Variants in KIFC2 observed in about 807,000 individuals in gnomAD.
KIFC2 encodes kinesin family member C2.
KIFC2 carries 94 observed loss-of-function variants against 91.5 expected under a neutral mutation model. The ratio of observed to expected loss-of-function variants is 1.03; its 90% CI spans 0.87 to 1.22. The LOEUF (loss-of-function observed/expected upper bound fraction) is 1.22, where lower values mean the gene tolerates loss of function less well. Ranked by LOEUF, KIFC2 falls within the 50% of genes most tolerant of loss-of-function variation. KIFC2 has a pLI of 0.00. For synonymous variants in KIFC2, 729 were observed against 503.9 expected (o/e 1.45, Z -5.98); for missense variants, 1,357 against 1,103.3 (o/e 1.23, Z -3.26).
At chr8:144,468,116 G>T (rs1432427497) in intron 7 of KIFC2, 129 bp downstream of exon 7, 3 of 1,263,524 alleles carry the variant, frequency 2.4e-6, no homozygotes, top group Non-Finnish European at 3.2e-6. Context: ...CATCAGGGAG[G>T]CTGATGCCAA....
At position 144,472,613 on chromosome 8, in the gene KIFC2, G is replaced by A. The variant is rs778514593; in HGVS notation, c.1768G>A (p.Ala590Thr). Reference protein sequence around the residue: ...KLGRSNRATAATAMNQRSSRS... With the variant: ...KLGRSNRATATTAMNQRSSRS... ...GGGGAGGAGCAACCGGGCCACCGCCGCCACCGCCATGAACCAGCGCAGCTC... is the reference window on the plus strand; with the variant it reads ...GGGGAGGAGCAACCGGGCCACCGCCACCACCGCCATGAACCAGCGCAGCTC... Residue 590 changes from alanine (A) to threonine (T), a missense_variant, in exon 16 of 18, where the codon GCC (alanine) becomes ACC (threonine). Transcript: ENST00000645548. The A allele has an allele frequency of 4.4e-6, 7 of 1,605,816 alleles. No homozygotes were observed. Among genetic ancestry groups the A allele is most frequent in the South Asian group, 1.1e-5 (1 of 91,060 alleles).
chr8:144,467,326 C>T lies in KIFC2; in HGVS notation c.454C>T (p.Pro152Ser), dbSNP rs763870569. 66 of 1,607,586 alleles carry T rather than the reference C, an allele frequency of 4.1e-5. No homozygotes were observed. In the Admixed American group the frequency reaches 8.1e-4, roughly 20 times the overall value. ...QGTQPAPRVR[P>S]PSPDGSTSQE... ...GACTCAGCCAGCCCCTCGGGTCCGGCCCCCCTCTCCAGATGGTGAGTAAAG... is the reference window on the plus strand; with the variant it reads ...GACTCAGCCAGCCCCTCGGGTCCGGTCCCCCTCTCCAGATGGTGAGTAAAG... Residue 152 changes from proline to serine, a missense_variant, in exon 4 of 18, where the codon CCC (proline) becomes TCC (serine). Transcript: ENST00000645548.
In KIFC2 at chr8:144,471,923, A is replaced by AT; in HGVS notation, c.1381-17dup. 1 of 1,610,988 alleles carries AT rather than the reference A, an allele frequency of 6.2e-7. No homozygotes were observed. Among genetic ancestry groups the AT allele is most frequent in the Non-Finnish European group, 8.5e-7 (1 of 1,178,278 alleles). On this transcript the variant is annotated intron_variant, in intron 12 of 17. Transcript: ENST00000645548. ...GCAACGTGGGGAGGACTCAAAACAC[A>AT]TTCTCCCGCCTCCCGCAGGTCTTCA...
At chr8:144,469,107 G>T (rs1381310481) in intron 10 of KIFC2, among the ~76,000 whole-genome samples, 164 bp from the exon 11 acceptor site, 2 of 152,310 alleles carry the variant, frequency 1.3e-5, no homozygotes, top group East Asian at 3.9e-4. Context: ...TTATCCTGGG[G>T]TTACTCAATG....
chr8:144,466,430 T>C lies in KIFC2; in HGVS notation c.11T>C (p.Phe4Ser). ...CCGCCCCGCGCTCCCATGTACGCCT[T>C]TTACTCGTTGCTCATCTACATCTTC... is the stretch of plus-strand genomic sequence containing the variant. MYA[F>S]YSLLIYIFYS... Residue 4 changes from phenylalanine to serine, a missense_variant, in exon 1 of 18, where the codon TTT (phenylalanine) becomes TCT (serine). Phe to Ser is a radical substitution (Grantham distance 155, BLOSUM62 -2). Transcript: ENST00000645548. 7.5e-7 allele frequency: 1 copy of C among 1,333,968 alleles called. No individual in the cohort carries two copies. The highest frequency in any genetic ancestry group is 9.8e-7 in the Non-Finnish European group (1 of 1,025,424). 82.6% of individuals were successfully genotyped at this position (1,333,968 alleles called of 1,614,324 possible).
intron 7 of KIFC2, 40 bp from the exon 8 acceptor site, chr8:144,468,289 G>C: frequency 6.5e-7 from 1 of 1,541,692 alleles, no homozygotes; most frequent in Non-Finnish European, 8.9e-7. Flanking sequence ...ACCACAGACC[G>C]TCCCTCTCTG....
intron 10 of KIFC2, 48 bp downstream of exon 10, chr8:144,468,882 A>T: frequency 2.6e-6 from 4 of 1,513,400 alleles, no homozygotes; most frequent in Non-Finnish European, 3.7e-6. Context: ...CAGCCTATTC[A>T]CTGTTCTTTT....
intron 10 of KIFC2, 92 bp from the exon 11 acceptor site, chr8:144,469,179 G>C: frequency 1.8e-6 from 2 of 1,082,464 alleles, no homozygotes; most frequent in South Asian, 2.9e-5. Context: ...CGGGCCTGTG[G>C]GGGCTCCCTG....
At position 144,474,063 on chromosome 8, in the gene KIFC2, C is replaced by T; in HGVS notation, c.*674C>T. On this transcript the variant is annotated 3_prime_UTR_variant, in exon 18 of 18. Transcript: ENST00000645548. ...TGACAGACCAGGGTGAGGGTTGTGCCCAGCTGGGCCACGGCCATGCGTGGG... is the reference window on the plus strand; with the variant it reads ...TGACAGACCAGGGTGAGGGTTGTGCTCAGCTGGGCCACGGCCATGCGTGGG... 1.6e-6 allele frequency: 1 copy of T among 606,272 alleles called. No homozygotes were observed. Among genetic ancestry groups the T allele is most frequent in the Non-Finnish European group, 2.9e-6 (1 of 344,608 alleles). The allele number at this position is 606,272 out of a possible 1,614,324, so 37.6% of individuals were successfully genotyped here. A position where few individuals can be genotyped will look rare whatever the true frequency, so the allele number is the denominator to read the frequency against.
intron 10 of KIFC2, 92 bp downstream of exon 10, chr8:144,468,926 A>G (rs948558478): frequency 3.8e-6 from 4 of 1,047,436 alleles, no homozygotes; most frequent in African/African-American, 3.2e-5. Context: ...GGCTGTACTA[A>G]TAAGTGGGGC....
chr8:144,466,463 T>C lies in KIFC2; in HGVS notation c.44T>C (p.Leu15Pro). The C allele has an allele frequency of 1.5e-6, 2 of 1,355,936 alleles. No individual in the cohort carries two copies. Among genetic ancestry groups the C allele is most frequent in the Non-Finnish European group, 1.9e-6 (2 of 1,042,374 alleles). The allele number at this position is 1,355,936 out of a possible 1,614,324, so 84.0% of individuals were successfully genotyped here. A position where few individuals can be genotyped will look rare whatever the true frequency, so the allele number is the denominator to read the frequency against. Residue 15 changes from leucine to proline, a missense_variant, in exon 1 of 18, where the codon CTC (leucine) becomes CCC (proline). Coordinates refer to ENST00000645548, the MANE Select transcript of KIFC2 (RefSeq NM_001369769.2). ...YSLLIYIFYS[L>P]FRRDGGAAAA... Reference sequence around the variant, plus strand: ...TTGCTCATCTACATCTTCTACAGCCTCTTCCGCAGGGATGGTGGCGCCGCG... The same window carrying C: ...TTGCTCATCTACATCTTCTACAGCCCCTTCCGCAGGGATGGTGGCGCCGCG...
chr8:144,472,408 G>T lies in KIFC2; in HGVS notation c.1655G>T (p.Gly552Val), dbSNP rs931161747. Residue 552 changes from glycine (G) to valine (V), a missense_variant, in exon 15 of 18, where the codon GGC (glycine) becomes GTC (valine). Coordinates refer to ENST00000645548, the MANE Select transcript of KIFC2 (RefSeq NM_001369769.2). ...CCCGAGCGCCTGGCCGTGAGGCAGG[G>T]CCCAGAAGGCCAGGGCGGGATCCAG... ...GPPERLAVRQ[G>V]PEGQGGIQVA... 16 of 1,612,854 alleles carry T rather than the reference G, an allele frequency of 9.9e-6. 1 individual carries two copies. Among genetic ancestry groups the T allele is most frequent in the Non-Finnish European group, 1.3e-5 (15 of 1,179,838 alleles).
In KIFC2 at chr8:144,466,827, C is replaced by G. The variant is rs958999546; in HGVS notation, c.167C>G (p.Thr56Ser). ...GCGCCAGAGCTGTGGACCGAGCTGA[C>G]CGGCCTGGCCGGTAGGTGCGGGCTG... ...LPAPELWTEL[T>S]GLAASSEPED... is the part of the protein sequence containing the mutation. Residue 56 changes from threonine to serine, a missense_variant, in exon 2 of 18, where the codon ACC becomes AGC. Coordinates refer to ENST00000645548, the MANE Select transcript of KIFC2 (RefSeq NM_001369769.2). 1 of 1,536,560 alleles carries G rather than the reference C, an allele frequency of 6.5e-7. No individual in the cohort carries two copies. Among genetic ancestry groups the G allele is most frequent in the African/African-American group, 1.4e-5 (1 of 73,018 alleles).
rs1481068547 is a variant in KIFC2 at position 144,473,459 on chromosome 8, C to T, written c.*70C>T. ...GCTGGCAGAGGCGGTAGTAAAGTCC[C>T]TGTACCCCGTCTCCCAGGGCACAAG... On this transcript the variant is annotated 3_prime_UTR_variant, in exon 18 of 18. Coordinates refer to ENST00000645548, the MANE Select transcript of KIFC2 (RefSeq NM_001369769.2). 6.7e-7 allele frequency: 1 copy of T among 1,481,972 alleles called. No homozygotes were observed. The highest frequency in any genetic ancestry group is 8.9e-7 in the Non-Finnish European group (1 of 1,119,088). 91.8% of individuals were successfully genotyped at this position (1,481,972 alleles called of 1,614,324 possible).
chr8:144,472,892 G>C lies in KIFC2; in HGVS notation c.1959G>C (p.Leu653=). Residue 653 remains leucine, a synonymous_variant, in exon 17 of 18, where the codon CTG becomes CTC. Transcript: ENST00000645548. ...PRGDPDGARR[L]REAQTINRSL... ...GAGACCCAGACGGCGCCCGGCGCCT[G>C]CGGGAGGCCCAGACCATAAACCGCT... is the stretch of plus-strand genomic sequence containing the variant. 6.6e-7 allele frequency: 1 copy of C among 1,521,188 alleles called. No individual in the cohort carries two copies. Among genetic ancestry groups the C allele is most frequent in the South Asian group, 1.2e-5 (1 of 80,602 alleles). The allele number at this position is 1,521,188 out of a possible 1,614,324, so 94.2% of individuals were successfully genotyped here.
chr8:144,467,535 G>A lies in KIFC2; in HGVS notation c.520G>A (p.Glu174Lys), dbSNP rs35968570. The change falls in exon 5 of 18, where the codon GAG becomes AAG. Residue 174 changes from glutamate to lysine, a missense_variant. Physicochemically the swap from Glu to Lys is moderately conservative, Grantham distance 56 (BLOSUM62 1). Coordinates refer to ENST00000645548, the MANE Select transcript of KIFC2 (RefSeq NM_001369769.2). ...SPSHFTAVPGEPLGDETQGQQ... is the reference protein window; with the variant it reads ...SPSHFTAVPGKPLGDETQGQQ... The stretch of plus-strand genomic sequence containing the variant: ...TTCCCACTTCACCGCAGTCCCAGGC[G>A]AGCCACTGGGGGATGAGACCCAGGG... The A allele has an allele frequency of 0.01, 16,525 of 1,601,654 alleles. 115 individuals carry two copies. The highest frequency in any genetic ancestry group is 0.013 in the Non-Finnish European group (14,842 of 1,174,850).
Position 144,473,542 on chromosome 8 carries a change from C to T in KIFC2, c.*153C>T. The T allele has an allele frequency of 3.3e-6, 4 of 1,204,302 alleles. No homozygotes were observed. The highest frequency in any genetic ancestry group is 1.7e-5 in the South Asian group (1 of 59,604). 74.6% of individuals were successfully genotyped at this position (1,204,302 alleles called of 1,614,324 possible). On this transcript the variant is annotated 3_prime_UTR_variant, in exon 18 of 18. Coordinates refer to ENST00000645548, the MANE Select transcript of KIFC2 (RefSeq NM_001369769.2). ...GCTCCCAGAGTCACCCCTCCACCTC[C>T]GCAGCCAGTGAAGTGTGTTGTGCCT...
At chr8:144,468,167 C>T (rs1824764094) in intron 7 of KIFC2, 162 bp from the exon 8 acceptor site, 4 of 1,041,330 alleles carry the variant, frequency 3.8e-6, no homozygotes, top group Non-Finnish European at 5.5e-6. Context: ...GAGTGGCTGA[C>T]CCCAGGAGAG....
Position 144,466,784 on chromosome 8 carries a change from C to G in KIFC2, c.124C>G (p.Arg42Gly), listed in dbSNP as rs771546903. ...GAGAGCCCGCAAGCCCCGGGGTCGC[C>G]GGCGCCCAGACCTGCCCGCGCCAGA... ...AQRARKPRGR[R>G]RPDLPAPELW... Residue 42 changes from arginine (R) to glycine (G), a missense_variant, in exon 2 of 18, where the codon CGG becomes GGG. Physicochemically the swap from Arg to Gly is moderately radical, Grantham distance 125. Transcript: ENST00000645548. 8 of 1,533,666 alleles carry G rather than the reference C, an allele frequency of 5.2e-6. No individual in the cohort carries two copies. The South Asian group carries it at 7.1e-5, about 14-fold the overall frequency.
Sources: allele counts gnomAD v4.1 joint callset (sites outside exome capture counted in the v4.1 genomes callset), GRCh38; gene constraint gnomAD v4.1.1; transcripts MANE v1.5; gene names NCBI Gene and HGNC (gene_info 2026-07-23, HGNC 2026-07-21).